MAST4: variants seen among roughly 807,000 people sequenced by gnomAD.
MAST4 encodes microtubule associated serine/threonine kinase family member 4, also known as microtubule-associated serine/threonine-protein kinase 4.
MAST4 carries 89 observed loss-of-function variants against 162.7 expected under a neutral mutation model. That is an observed-to-expected ratio of 0.55 (90% CI 0.46 to 0.65). The LOEUF is 0.65. Among genes scored for constraint, MAST4 ranks in the 30% least tolerant of loss-of-function variants. The pLI, the probability that MAST4 is intolerant of heterozygous loss-of-function variation, is 0.00. For missense variants in MAST4, 3,153 were observed against 3,374.0 expected (o/e 0.93, Z 1.62); for synonymous variants, 1,479 against 1,361.1 (o/e 1.09, Z -1.91).
At chr5:67,100,678 T>C in intron 8 of MAST4, 86 bp downstream of exon 8, 2 of 1,494,258 alleles carry the variant, frequency 1.3e-6, no homozygotes, top group East Asian at 2.3e-5. Context: ...CTTTAGGTCA[T>C]ATGTGTGTTA....
Position 67,127,632 on chromosome 5 carries a change from A to G in MAST4, c.1746-2578A>G, listed in dbSNP as rs554204251. Among the ~76,000 whole-genome samples, 4 of 152,174 alleles carry G rather than the reference A, an allele frequency of 2.6e-5. 1 individual carries two copies. The highest frequency in any genetic ancestry group is 9.6e-5 in the African/African-American group (4 of 41,516). On this transcript the variant is annotated intron_variant, in intron 14 of 28. Transcript: ENST00000403625. ...TGACAACATTTGTATATCAGTGCTT[A>G]TCTTCTATTTGAGGGATGGCCAAGT...
At chr5:66,918,275 CA>C (rs1276632345) in intron 4 of MAST4, among the ~76,000 whole-genome samples, 2 of 152,052 alleles carry the variant, frequency 1.3e-5, no homozygotes, top group African/African-American at 4.8e-5. Flanking sequence ...GAAGTATACC[CA>C]TATCTGGATT....
At chr5:66,826,390 C>T (rs1345945882) in intron 3 of MAST4, among the ~76,000 whole-genome samples, 1 of 151,984 alleles carries the variant, frequency 6.6e-6, no homozygotes, top group Non-Finnish European at 1.5e-5. Context: ...ACTCCCACCA[C>T]CTCCCAAACA....
At chr5:66,655,415 CAA>C (rs1187342953) in intron 1 of MAST4, among the ~76,000 whole-genome samples, 3 of 152,076 alleles carry the variant, frequency 2.0e-5, no homozygotes, top group Non-Finnish European at 4.4e-5. Flanking sequence ...TAAAAGATGA[CAA>C]AGAGCCAGTT....
intron 3 of MAST4, among the ~76,000 whole-genome samples, chr5:66,839,183 G>A (rs936517283): frequency 2.6e-5 from 4 of 152,078 alleles, no homozygotes; most frequent in African/African-American, 9.7e-5. Context: ...CAGGAGTTAG[G>A]GATTAGAAAC....
At chr5:67,036,875 C>T (rs1756084912) in intron 4 of MAST4, among the ~76,000 whole-genome samples, 1 of 152,106 alleles carries the variant, frequency 6.6e-6, no homozygotes, top group South Asian at 2.1e-4. Flanking sequence ...TGGAGTAATC[C>T]CATCTTGTGG....
intron 2 of MAST4, among the ~76,000 whole-genome samples, chr5:66,775,540 G>A (rs1754559740): frequency 6.6e-6 from 1 of 152,182 alleles, no homozygotes; most frequent in Non-Finnish European, 1.5e-5. Flanking sequence ...CAGTCATGAT[G>A]CTAATCTTGG....
At chr5:66,942,248 G>A (rs62372473) in intron 4 of MAST4, among the ~76,000 whole-genome samples, 101 of 152,100 alleles carry the variant, frequency 6.6e-4, no homozygotes, top group African/African-American at 2.3e-3. Flanking sequence ...AAATTATACT[G>A]GAAGACTATG....
chr5:66,795,861 T>G (rs1241177176), intron 3 of MAST4, among the ~76,000 whole-genome samples: 3 of 152,206 alleles, frequency 2.0e-5, no homozygotes, highest in Non-Finnish European at 4.4e-5. Context: ...ATCTGGAAAG[T>G]AGTAATCTCA....
intron 5 of MAST4, among the ~76,000 whole-genome samples, chr5:67,065,680 A>T (rs1760144889): frequency 6.6e-6 from 1 of 152,126 alleles, no homozygotes; most frequent in Non-Finnish European, 1.5e-5. Context: ...GCTAAAAAGC[A>T]TTTTCTTTTT....
intron 4 of MAST4, among the ~76,000 whole-genome samples, chr5:67,028,171 C>T (rs890828736): frequency 9.6e-6 from 1 of 104,148 alleles, no homozygotes. Context: ...CCAGGAGACA[C>T]ACAACAAAAA....
intron 4 of MAST4, among the ~76,000 whole-genome samples, chr5:66,979,340 C>T (rs892437258): frequency 2.0e-5 from 3 of 152,002 alleles, no homozygotes; most frequent in African/African-American, 4.8e-5. Flanking sequence ...CGGCAAAATC[C>T]ACCTTGCTCC....
At chr5:66,605,749 C>A (rs150811732) in intron 1 of MAST4, among the ~76,000 whole-genome samples, 2 of 152,082 alleles carry the variant, frequency 1.3e-5, no homozygotes, top group African/African-American at 4.8e-5. Flanking sequence ...GTTCTCGCCA[C>A]GATGCATGCA....
At chr5:66,746,907 A>G (rs1488833625) in intron 1 of MAST4, among the ~76,000 whole-genome samples, 2 of 152,230 alleles carry the variant, frequency 1.3e-5, no homozygotes, top group Admixed American at 1.3e-4. Context: ...TTTGAAAACT[A>G]TGCACAAAGT....
intron 1 of MAST4, among the ~76,000 whole-genome samples, chr5:66,733,303 C>G (rs572015778): frequency 2.0e-5 from 3 of 151,382 alleles, no homozygotes; most frequent in Non-Finnish European, 4.4e-5. Flanking sequence ...CTCCGTTTCC[C>G]CTCCCTCTTC....
chr5:66,635,139 G>T (rs879583215), intron 1 of MAST4, among the ~76,000 whole-genome samples: 98 of 152,144 alleles, frequency 6.4e-4, no homozygotes, highest in Non-Finnish European at 1.1e-3. Flanking sequence ...AATCTTTCTG[G>T]CTTAAAACAG....
At chr5:66,849,471 C>A (rs40571) in intron 3 of MAST4, among the ~76,000 whole-genome samples, 4 of 152,046 alleles carry the variant, frequency 2.6e-5, no homozygotes, top group Non-Finnish European at 5.9e-5. Context: ...TTTCCTCCCC[C>A]CTTTTCTCTT....
intron 1 of MAST4, among the ~76,000 whole-genome samples, chr5:66,757,294 G>T (rs1319917561): frequency 6.6e-6 from 1 of 152,200 alleles, no homozygotes; most frequent in African/African-American, 2.4e-5. Flanking sequence ...GAGAAAATAA[G>T]TAAGTAGAAT....
intron 5 of MAST4, among the ~76,000 whole-genome samples, chr5:67,078,591 G>A (rs1761965095): frequency 6.9e-6 from 1 of 144,584 alleles, no homozygotes; most frequent in South Asian, 2.1e-4. Flanking sequence ...TACAATTTTT[G>A]TCAAGTCAAT....
Sources: allele counts gnomAD v4.1 joint callset (sites outside exome capture counted in the v4.1 genomes callset), GRCh38; gene constraint gnomAD v4.1.1; transcripts MANE v1.5; gene names NCBI Gene and HGNC (gene_info 2026-07-23, HGNC 2026-07-21).